The following MR1 variants were observed in gnomAD, a reference collection of about 807,000 sequenced individuals.
The protein encoded by MR1 is major histocompatibility complex class I-related protein 1.
MR1 carries 44 observed loss-of-function variants against 37.8 expected under a neutral mutation model. That is an observed-to-expected ratio of 1.16 (90% CI 0.91 to 1.50). The LOEUF is 1.50. Among genes scored for constraint, MR1 ranks in the 40% most tolerant of loss-of-function variants. MR1 has a pLI of 0.00. For synonymous variants in MR1, 153 were observed against 155.8 expected, an observed-to-expected ratio of 0.98 and a Z score of 0.13; for missense variants, 386 against 419.1, an observed-to-expected ratio of 0.92 and a Z score of 0.69.
chr1:181,038,557 T>C (rs962312841), intron 1 of MR1, among the ~76,000 whole-genome samples: 2 of 152,244 alleles, frequency 1.3e-5, no homozygotes, highest in Non-Finnish European at 2.9e-5. Context: ...TAGGAAGGTC[T>C]GGAGCCTGTG....
chr1:181,053,553 T>C lies in MR1; in HGVS notation c.881-20T>C. ...AGGGAAAGGGGACTTGTGGATTTTTTCTCATTTGCTTGCTTTCAGAATCAG... is the reference window on the plus strand; with the variant it reads ...AGGGAAAGGGGACTTGTGGATTTTTCCTCATTTGCTTGCTTTCAGAATCAG... On this transcript the variant is annotated intron_variant, in intron 4 of 5. Transcript: ENST00000367580. 1 of 1,584,104 alleles carries C rather than the reference T, an allele frequency of 6.3e-7. No individual in the cohort carries two copies. The highest frequency in any genetic ancestry group is 1.1e-5 in the South Asian group (1 of 90,454).
At chr1:181,054,386 A>C (rs1658490505) in intron 5 of MR1, among the ~76,000 whole-genome samples, 1 of 152,182 alleles carries the variant, frequency 6.6e-6, no homozygotes, top group African/African-American at 2.4e-5. Flanking sequence ...CTCTGGCTTC[A>C]CTAATTGCTC....
Position 181,050,117 on chromosome 1 carries a change from TA to T in MR1, c.438del (p.Asp147ThrfsTer8), listed in dbSNP as rs1347412533. On this transcript the variant is annotated frameshift_variant, in exon 3 of 6. Coordinates refer to ENST00000367580, the MANE Select transcript of MR1 (RefSeq NM_001385161.1). LOFTEE classifies it high-confidence loss of function. The part of the protein sequence containing the change: ...YDGQDFLIFN[K>X]DTLSWLAVDN... ...ACGGGCAGGATTTCCTGATCTTCAATAAAGACACCCTCTCCTGGCTGGCTGT... is the reference window on the plus strand; with the variant it reads ...ACGGGCAGGATTTCCTGATCTTCAATAAGACACCCTCTCCTGGCTGGCTGT... 6 of 1,614,072 alleles carry T rather than the reference TA, an allele frequency of 3.7e-6. No homozygotes were observed. Among genetic ancestry groups the T allele is most frequent in the Non-Finnish European group, 5.1e-6 (6 of 1,180,044 alleles).
rs564433518 is a variant in MR1 at position 181,055,291 on chromosome 1, C to T, written c.*26C>T. ...TTGCAGATCCCTCTTTTCCAGTTCT[C>T]CTTCCTCTAGGAGCCATGTTATCCT... On this transcript the variant is annotated 3_prime_UTR_variant, in exon 6 of 6. Coordinates refer to ENST00000367580, the MANE Select transcript of MR1 (RefSeq NM_001385161.1). 7 of 1,603,336 alleles carry T rather than the reference C, an allele frequency of 4.4e-6. No individual in the cohort carries two copies. Among genetic ancestry groups the T allele is most frequent in the East Asian group, 2.2e-5 (1 of 44,810 alleles).
rs771190437 is a variant in MR1, at chr1:181,052,526, G to A, written c.880+16G>A. The A allele has an allele frequency of 6.8e-6, 11 of 1,606,752 alleles. No homozygotes were observed. The highest frequency in any genetic ancestry group is 1.1e-5 in the South Asian group (1 of 90,888). On this transcript the variant is annotated intron_variant, in intron 4 of 5. Coordinates refer to ENST00000367580, the MANE Select transcript of MR1 (RefSeq NM_001385161.1). ...GTCCCCCAGGGTAAGGACGGGGATC[G>A]TGGCTGTCTAGGGAGAGAGCCTGGA...
rs1240061651 is a variant in MR1 at position 181,058,902 on chromosome 1, A to T, written c.*3637A>T. Reference sequence around the variant, plus strand: ...TGGTCAGTACACCTTCCAGCAGGAAAATCTACATAAGAACAACTAAATCAC... The same window carrying T: ...TGGTCAGTACACCTTCCAGCAGGAATATCTACATAAGAACAACTAAATCAC... On this transcript the variant is annotated 3_prime_UTR_variant, in exon 6 of 6. Coordinates refer to ENST00000367580, the MANE Select transcript of MR1 (RefSeq NM_001385161.1). 1 of 152,254 alleles carries T rather than the reference A, an allele frequency of 6.6e-6. No homozygotes were observed. The highest frequency in any genetic ancestry group is 2.4e-5 in the African/African-American group (1 of 41,468). The allele number at this position is 152,254 out of a possible 1,614,324, so 9.4% of individuals were successfully genotyped here.
rs751056986 is a variant in MR1, at chr1:181,055,260, C to T, written c.1021C>T (p.Arg341Ter). 5.0e-6 allele frequency: 8 copies of T among 1,612,942 alleles called. No homozygotes were observed. The highest frequency in any genetic ancestry group is 3.3e-5 in the Admixed American group (2 of 60,018). ...AGCCATCTACCTTCCAACACCAGATCGATGATTGCAGATCCCTCTTTTCCA... is the reference window on the plus strand; with the variant it reads ...AGCCATCTACCTTCCAACACCAGATTGATGATTGCAGATCCCTCTTTTCCA... ...NGAIYLPTPD[R>*] The change falls in exon 6 of 6, where the codon CGA becomes TGA. Residue 341 changes from arginine (R) to a stop codon, truncating the protein, a stop_gained. Transcript: ENST00000367580. LOFTEE classifies it high-confidence loss of function.
Position 181,035,066 on chromosome 1 carries a change from C to T in MR1, c.67+992C>T, listed in dbSNP as rs376717944. 9.9e-5 allele frequency among the ~76,000 whole-genome samples: 15 copies of T among 152,098 alleles called. No individual in the cohort carries two copies. In the East Asian group the frequency reaches 1.7e-3, roughly 18 times the overall value. On this transcript the variant is annotated intron_variant, in intron 1 of 5. Coordinates refer to ENST00000367580, the MANE Select transcript of MR1 (RefSeq NM_001385161.1). ...CTGTAATCCTAGCACGTTGAGAGGC[C>T]GAGGCAGACGGATCGCTTGAGGTCA...
At chr1:181,049,524 C>A in intron 2 of MR1, 1 of 610,970 alleles carries the variant, frequency 1.6e-6, no homozygotes. Flanking sequence ...TCATTTGCCC[C>A]ACCCACTCTT....
At chr1:181,039,150 C>T (rs966090061) in intron 1 of MR1, among the ~76,000 whole-genome samples, 7 of 152,208 alleles carry the variant, frequency 4.6e-5, no homozygotes, top group Admixed American at 1.3e-4. Flanking sequence ...ATAAGACCTA[C>T]CTCAAAAGTT....
chr1:181,046,025 C>T (rs910917560), intron 1 of MR1, among the ~76,000 whole-genome samples: 2 of 152,238 alleles, frequency 1.3e-5, no homozygotes, highest in Non-Finnish European at 1.5e-5. Flanking sequence ...AGCCCACCAG[C>T]GCTGCAGCTC....
chr1:181,047,582 G>C (rs1458606468), intron 1 of MR1, among the ~76,000 whole-genome samples: 1 of 151,584 alleles, frequency 6.6e-6, no homozygotes, highest in Non-Finnish European at 1.5e-5. Flanking sequence ...CTGGGCAACA[G>C]AGTGAGACTC....
intron 4 of MR1, 69 bp from the exon 5 acceptor site, chr1:181,053,504 A>G (rs956182324): frequency 7.4e-6 from 9 of 1,217,142 alleles, no homozygotes; most frequent in African/African-American, 1.5e-5. Context: ...CACAGGGACA[A>G]AAGTCCCAGA....
At chr1:181,046,994 G>A (rs557410807) in intron 1 of MR1, among the ~76,000 whole-genome samples, 59 of 152,232 alleles carry the variant, frequency 3.9e-4, no homozygotes, top group African/African-American at 1.3e-3. Context: ...CACCTTAAGA[G>A]CTGTAACACT....
At position 181,043,932 on chromosome 1, in the gene MR1, T is replaced by A. The variant is rs562746269; in HGVS notation, c.68-5120T>A. Among the ~76,000 whole-genome samples, 13 of 151,140 alleles carry A rather than the reference T, an allele frequency of 8.6e-5. No homozygotes were observed. The South Asian group carries it at 1.7e-3, about 19-fold the overall frequency. Reference sequence around the variant, plus strand: ...AGCACAGAAGCTAATCCAACTATTTTGTGAGCTGATTTTTTTTTTTTGTCT... The same window carrying A: ...AGCACAGAAGCTAATCCAACTATTTAGTGAGCTGATTTTTTTTTTTTGTCT... On this transcript the variant is annotated intron_variant, in intron 1 of 5. Transcript: ENST00000367580.
intron 2 of MR1, chr1:181,049,682 C>A: frequency 2.1e-6 from 1 of 476,728 alleles, no homozygotes; most frequent in Non-Finnish European, 3.8e-6. Context: ...AGTAACTTTC[C>A]CAGGGGTATT....
intron 1 of MR1, among the ~76,000 whole-genome samples, chr1:181,047,407 T>C (rs1657950263): frequency 6.6e-6 from 1 of 151,986 alleles, no homozygotes; most frequent in Admixed American, 6.6e-5. Context: ...GAGACCAGCC[T>C]GACTAACATG....
chr1:181,061,040 G>A lies in MR1; in HGVS notation c.*5775G>A, dbSNP rs913924365. 6.6e-6 allele frequency: 1 copy of A among 152,396 alleles called. No homozygotes were observed. Among genetic ancestry groups the A allele is most frequent in the Admixed American group, 6.5e-5 (1 of 15,268 alleles). 9.4% of individuals were successfully genotyped at this position (152,396 alleles called of 1,614,324 possible). A position where few individuals can be genotyped will look rare whatever the true frequency, so the allele number is the denominator to read the frequency against. The stretch of plus-strand genomic sequence containing the variant: ...TCATTGAGGCCACCTTCTCCAACAA[G>A]CTCCCCTCCTGCTTCCCCATGGCTG... On this transcript the variant is annotated 3_prime_UTR_variant, in exon 6 of 6. Coordinates refer to ENST00000367580, the MANE Select transcript of MR1 (RefSeq NM_001385161.1).
Position 181,058,392 on chromosome 1 carries a change from G to A in MR1, c.*3127G>A, listed in dbSNP as rs1288410207. 6.6e-6 allele frequency: 1 copy of A among 151,336 alleles called. No homozygotes were observed. The highest frequency in any genetic ancestry group is 1.9e-4 in the East Asian group (1 of 5,172). 9.4% of individuals were successfully genotyped at this position (151,336 alleles called of 1,614,324 possible). A position where few individuals can be genotyped will look rare whatever the true frequency, so the allele number is the denominator to read the frequency against. Reference sequence around the variant, plus strand: ...TGTTTTTGATGTGCATATAGACCAAGATGTGGTAAATTTAAATGGCAGATG... The same window carrying A: ...TGTTTTTGATGTGCATATAGACCAAAATGTGGTAAATTTAAATGGCAGATG... On this transcript the variant is annotated 3_prime_UTR_variant, in exon 6 of 6. Coordinates refer to ENST00000367580, the MANE Select transcript of MR1 (RefSeq NM_001385161.1).
Sources: allele counts gnomAD v4.1 joint callset (sites outside exome capture counted in the v4.1 genomes callset), GRCh38; gene constraint gnomAD v4.1.1; transcripts MANE v1.5; gene names NCBI Gene and HGNC (gene_info 2026-07-23, HGNC 2026-07-21).